TOX: variants seen among roughly 807,000 people sequenced by gnomAD.
The protein encoded by TOX is thymocyte selection-associated high mobility group box protein TOX.
TOX carries 11 observed loss-of-function variants against 53.7 expected under a neutral mutation model. The observed-to-expected ratio is 0.20, with a 90% CI of 0.13 to 0.34. TOX has a LOEUF of 0.34. Among genes scored for constraint, TOX ranks in the 10% least tolerant of loss-of-function variants. The pLI is 1.00. For missense variants in TOX, 570 were observed against 664.6 expected, an observed-to-expected ratio of 0.86 and a Z score of 1.56; for synonymous variants, 225 against 245.3, an observed-to-expected ratio of 0.92 and a Z score of 0.77.
chr8:58,874,134 C>T (rs1811245680), intron 3 of TOX, among the ~76,000 whole-genome samples: 1 of 151,442 alleles, frequency 6.6e-6, no homozygotes, highest in Non-Finnish European at 1.5e-5. Context: ...CCATCTGTGC[C>T]TGGTATCCTT....
chr8:58,816,813 A>G (rs1810186635), intron 6 of TOX, among the ~76,000 whole-genome samples: 2 of 152,252 alleles, frequency 1.3e-5, no homozygotes, highest in Admixed American at 1.3e-4. Flanking sequence ...TGCTCAATGC[A>G]CCACCGGGCA....
chr8:58,987,903 T>G (rs1226895782), intron 1 of TOX, among the ~76,000 whole-genome samples: 1 of 152,140 alleles, frequency 6.6e-6, no homozygotes, highest in African/African-American at 2.4e-5. Context: ...TCTGAAGCAT[T>G]TCCTTTGAAA....
At chr8:58,896,368 A>G (rs2129172349) in intron 3 of TOX, among the ~76,000 whole-genome samples, 2 of 152,226 alleles carry the variant, frequency 1.3e-5, no homozygotes, top group East Asian at 3.9e-4. Flanking sequence ...AGAATATACC[A>G]TATTAGCACA....
chr8:58,826,024 A>G (rs977828856), intron 6 of TOX, among the ~76,000 whole-genome samples: 2 of 152,230 alleles, frequency 1.3e-5, no homozygotes, highest in Non-Finnish European at 2.9e-5. Context: ...TCTTCTCTGC[A>G]TCAGTATATT....
At chr8:59,050,487 A>C (rs1803770616) in intron 1 of TOX, among the ~76,000 whole-genome samples, 1 of 152,170 alleles carries the variant, frequency 6.6e-6, no homozygotes, top group African/African-American at 2.4e-5. Context: ...CATCAGATTA[A>C]TGAATTAAGT....
intron 1 of TOX, among the ~76,000 whole-genome samples, chr8:59,073,105 G>A (rs1261912560): frequency 6.6e-6 from 1 of 152,026 alleles, no homozygotes; most frequent in East Asian, 1.9e-4. Flanking sequence ...CCCCAACACA[G>A]GCATACTCTT....
At chr8:59,022,987 G>C (rs1035547519) in intron 1 of TOX, among the ~76,000 whole-genome samples, 1 of 152,190 alleles carries the variant, frequency 6.6e-6, no homozygotes, top group African/African-American at 2.4e-5. Flanking sequence ...CAAATGGCTA[G>C]AAACCAGTTA....
At chr8:58,827,594 T>G (rs1029373913) in intron 5 of TOX, among the ~76,000 whole-genome samples, 1 of 152,206 alleles carries the variant, frequency 6.6e-6, no homozygotes, top group African/African-American at 2.4e-5. Context: ...TGTGGACACC[T>G]CATTTTGAAA....
At chr8:59,069,769 A>C (rs1804160483) in intron 1 of TOX, among the ~76,000 whole-genome samples, 1 of 152,250 alleles carries the variant, frequency 6.6e-6, no homozygotes, top group African/African-American at 2.4e-5. Context: ...CCAGAAAGGT[A>C]TAAGAAAAAG....
chr8:58,987,227 C>T (rs1813348718), intron 1 of TOX, among the ~76,000 whole-genome samples: 1 of 152,130 alleles, frequency 6.6e-6, no homozygotes, highest in African/African-American at 2.4e-5. Context: ...GAAGACCAAA[C>T]CAAGGAGGCA....
chr8:58,949,083 A>C (rs1202854638), intron 2 of TOX, among the ~76,000 whole-genome samples: 1 of 152,224 alleles, frequency 6.6e-6, no homozygotes, highest in South Asian at 2.1e-4. Flanking sequence ...TTCCAAAGCT[A>C]TAAAATAGGG....
At chr8:58,949,266 G>A (rs969833669) in intron 2 of TOX, among the ~76,000 whole-genome samples, 3 of 152,092 alleles carry the variant, frequency 2.0e-5, no homozygotes, top group Non-Finnish European at 4.4e-5. Context: ...AATTTTCCAT[G>A]CCAATAAATA....
chr8:59,068,254 T>A (rs940831195), intron 1 of TOX, among the ~76,000 whole-genome samples: 2 of 151,870 alleles, frequency 1.3e-5, no homozygotes, highest in Admixed American at 6.5e-5. Context: ...AGAAAAAAAA[T>A]AATATTTTCC....
chr8:59,109,126 T>C (rs1261085662), intron 1 of TOX, among the ~76,000 whole-genome samples: 1 of 152,208 alleles, frequency 6.6e-6, no homozygotes, highest in African/African-American at 2.4e-5. Flanking sequence ...CTGTTTGCTT[T>C]AAATGGGTCT....
chr8:58,877,643 A>G (rs1811308307), intron 3 of TOX, among the ~76,000 whole-genome samples: 4 of 152,344 alleles, frequency 2.6e-5, no homozygotes, highest in African/African-American at 9.6e-5. Flanking sequence ...GATCTGAAAG[A>G]ACATCCTGTA....
rs1304393785 is a variant in TOX, at chr8:58,851,769, T to A, written c.448A>T (p.Ser150Cys). The change falls in exon 4 of 9, where the codon AGT (serine) becomes TGT (cysteine). Residue 150 changes from serine to cysteine, a missense_variant. Physicochemically the swap from Ser to Cys is moderately radical, Grantham distance 112. This residue lies in a region of TOX where 282 missense variants were observed against 315.0 expected (regional missense o/e 0.90). Transcript: ENST00000361421. The surrounding 1 kb of genome is among the most constrained non-coding windows in gnomAD (Gnocchi z 4.4). The part of the protein sequence containing the change: ...DIRNPEGTQY[S>C]SHPQMAAMRP... ...ATGGCTGCCATCTGAGGATGGGAAC[T>A]GTACTGAGTTCCTTCTGGGTTTCGT... 1 of 1,606,374 alleles carries A rather than the reference T, an allele frequency of 6.2e-7. No homozygotes were observed. The highest frequency in any genetic ancestry group is 8.5e-7 in the Non-Finnish European group (1 of 1,175,618).
intron 1 of TOX, among the ~76,000 whole-genome samples, chr8:58,980,347 C>T (rs1463289456): frequency 1.3e-5 from 2 of 152,124 alleles, no homozygotes; most frequent in African/African-American, 4.8e-5. Flanking sequence ...GCCGCTTGGC[C>T]TGTTCTCTCA....
chr8:58,990,378 G>T (rs1335690229), intron 1 of TOX, among the ~76,000 whole-genome samples: 1 of 151,288 alleles, frequency 6.6e-6, no homozygotes, highest in Admixed American at 6.6e-5. Context: ...TTCTAGTAAA[G>T]CTTCTTTTTT....
intron 6 of TOX, among the ~76,000 whole-genome samples, chr8:58,825,402 C>T (rs1268159184): frequency 1.3e-5 from 2 of 152,196 alleles, no homozygotes; most frequent in African/African-American, 4.8e-5. Context: ...TTGCCGTACA[C>T]TGCGGGTTGC....
Sources: gnomAD v4.1 joint callset for allele counts (sites outside exome capture counted in the v4.1 genomes callset) on GRCh38, gnomAD v4.1.1 for gene constraint, gnomAD v4.1.1 regional missense constraint, Gnocchi (gnomAD v3.1) non-coding constraint, MANE v1.5 for transcripts, NCBI Gene and HGNC (gene_info 2026-07-23, HGNC 2026-07-21) for gene names.